The following AP3B2 variants were observed in gnomAD, a reference collection of about 807,000 sequenced individuals.
AP3B2 encodes adaptor related protein complex 3 subunit beta 2.
AP3B2 carries 50 observed loss-of-function variants against 126.9 expected under a neutral mutation model. The observed-to-expected ratio is 0.39, with a 90% CI of 0.31 to 0.50. AP3B2 has a LOEUF of 0.50. AP3B2 is among the 20% of genes least tolerant of loss of function. AP3B2 has a pLI of 0.79. For synonymous variants in AP3B2, 541 were observed against 565.0 expected, an observed-to-expected ratio of 0.96 and a Z score of 0.60; for missense variants, 1,177 against 1,426.4, an observed-to-expected ratio of 0.83 and a Z score of 2.82.
chr15:82,694,806 T>C (rs149365624), intron 1 of AP3B2, among the ~76,000 whole-genome samples: 1 of 152,210 alleles, frequency 6.6e-6, no homozygotes, highest in Non-Finnish European at 1.5e-5. Context: ...GTTTCTTCTA[T>C]AGCCTCTTTC....
intron 1 of AP3B2, among the ~76,000 whole-genome samples, chr15:82,693,291 G>A (rs1312144124): frequency 1.4e-5 from 2 of 148,106 alleles, no homozygotes; most frequent in African/African-American, 5.0e-5. Flanking sequence ...TCATTGCCCA[G>A]GCTGGAGTGC....
rs1278988306 is a variant in AP3B2 at position 82,680,697 on chromosome 15, G to A, written c.830C>T (p.Ala277Val). 2 of 1,570,430 alleles carry A rather than the reference G, an allele frequency of 1.3e-6. No homozygotes were observed. The highest frequency in any genetic ancestry group is 1.7e-4 in the Middle Eastern group (1 of 5,934). ...CGTCTCCTCAGACCCCGCGCCCTTGGCCTCGTCCTCCTCTGAGCCGTAGAA... is the reference window on the plus strand; with the variant it reads ...CGTCTCCTCAGACCCCGCGCCCTTGACCTCGTCCTCCTCTGAGCCGTAGAA... ...KAFYGSEEDEAKGAGSEETAA... is the reference protein window; with the variant it reads ...KAFYGSEEDEVKGAGSEETAA... The change falls in exon 8 of 27, where the codon GCC becomes GTC. Residue 277 changes from alanine to valine, a missense_variant. Ala to Val is a moderately conservative substitution (Grantham distance 64). This residue lies in a region of AP3B2 where 103 missense variants were observed against 101.4 expected (regional missense o/e 1.02). Transcript: ENST00000535359. This position sits in a 1 kb window ranked among gnomAD's most constrained non-coding sequence, Gnocchi z 6.1.
Position 82,681,612 on chromosome 15 carries a change from A to G in AP3B2, c.361-32T>C. The G allele has an allele frequency of 1.2e-6, 2 of 1,603,924 alleles. No individual in the cohort carries two copies. The highest frequency in any genetic ancestry group is 1.7e-6 in the Non-Finnish European group (2 of 1,176,524). On this transcript the variant is annotated intron_variant, in intron 4 of 26. Transcript: ENST00000535359. This position sits in a 1 kb window ranked among gnomAD's most constrained non-coding sequence, Gnocchi z 4.0. ...GCAGAGGTGGAGGCAGAGCTATGAA[A>G]GGGCACCAGGTGCCCTGATGGGGGG... is the stretch of plus-strand genomic sequence containing the variant.
At position 82,663,157 on chromosome 15, in the gene AP3B2, C is replaced by T; in HGVS notation, c.2574G>A (p.Leu858=). ...STSLAADLEG[L]TLTDSTLVPS... is the part of the protein sequence containing the mutation. Reference sequence around the variant, plus strand: ...GTACCAGGGTGGAGTCTGTGAGTGTCAGGCCCTCCAGGTCAGCAGCCAGAC... The same window carrying T: ...GTACCAGGGTGGAGTCTGTGAGTGTTAGGCCCTCCAGGTCAGCAGCCAGAC... The change falls in exon 22 of 27, where the codon CTG becomes CTA. Residue 858 remains leucine, a synonymous_variant. Coordinates refer to ENST00000535359, the MANE Select transcript of AP3B2 (RefSeq NM_001278512.2). The T allele has an allele frequency of 6.2e-7, 1 of 1,612,226 alleles. No individual in the cohort carries two copies. Among genetic ancestry groups the T allele is most frequent in the Non-Finnish European group, 8.5e-7 (1 of 1,179,638 alleles).
chr15:82,674,158 A>T (rs1177122672), intron 14 of AP3B2, among the ~76,000 whole-genome samples: 2 of 152,162 alleles, frequency 1.3e-5, no homozygotes, highest in Non-Finnish European at 2.9e-5. Flanking sequence ...CCCATGTCCA[A>T]ATTGGAGAGA....
At chr15:82,706,393 T>A (rs2048796112) in intron 1 of AP3B2, among the ~76,000 whole-genome samples, 1 of 152,186 alleles carries the variant, frequency 6.6e-6, no homozygotes, top group Non-Finnish European at 1.5e-5. Flanking sequence ...AAAGCTTTCC[T>A]CATTACACAA....
rs1285881574 is a variant in AP3B2 at position 82,663,485 on chromosome 15, A to G, written c.2497+75T>C. 12 of 1,511,866 alleles carry G rather than the reference A, an allele frequency of 7.9e-6. No individual in the cohort carries two copies. In the Admixed American group the frequency reaches 1.5e-4, roughly 19 times the overall value. 93.7% of individuals were successfully genotyped at this position (1,511,866 alleles called of 1,614,324 possible). On this transcript the variant is annotated intron_variant, in intron 21 of 26. Transcript: ENST00000535359. ...CCACAAGACCTGAGGAACCCGATCC[A>G]GAGTCCCTATGGGCTGTTCTAATTC...
rs2048014069 is a variant in AP3B2, at chr15:82,664,373, C to A, written c.2255G>T (p.Ser752Ile). 5.0e-6 allele frequency: 8 copies of A among 1,613,956 alleles called. No homozygotes were observed. Among genetic ancestry groups the A allele is most frequent in the Non-Finnish European group, 6.8e-6 (8 of 1,179,886 alleles). Reference protein sequence around the residue: ...QDEDEEKGRGSESEQSEEDGK... With the variant: ...QDEDEEKGRGIESEQSEEDGK... ...TGGCTAGCTCCCTTCTCACCTCTCA[C>A]TGCCTCTCCCTTTCTCCTCATCCTC... The change falls in exon 19 of 27, where the codon AGT becomes ATT. Residue 752 changes from serine (S) to isoleucine (I), a missense_variant. Ser to Ile is a moderately radical substitution (Grantham distance 142, BLOSUM62 -2). Coordinates refer to ENST00000535359, the MANE Select transcript of AP3B2 (RefSeq NM_001278512.2). This position sits in a 1 kb window ranked among gnomAD's most constrained non-coding sequence, Gnocchi z 4.5.
chr15:82,679,755 C>T lies in AP3B2; in HGVS notation c.1156G>A (p.Asp386Asn), dbSNP rs1464177208. ...TTCAGGATCTTAATCTGGGTGGGGT[C>T]GGTGGACCTGATGTAGAAGCTCTTC... is the stretch of plus-strand genomic sequence containing the variant. ...YLKSFYIRST[D>N]PTQIKILKLE... is the part of the protein sequence containing the mutation. The change falls in exon 10 of 27, where the codon GAC becomes AAC. Residue 386 changes from aspartate (D) to asparagine (N), a missense_variant. Coordinates refer to ENST00000535359, the MANE Select transcript of AP3B2 (RefSeq NM_001278512.2). 1 of 1,613,820 alleles carries T rather than the reference C, an allele frequency of 6.2e-7. No individual in the cohort carries two copies. The highest frequency in any genetic ancestry group is 1.3e-5 in the African/African-American group (1 of 75,010).
At chr15:82,670,141 C>T (rs1160864542) in intron 14 of AP3B2, among the ~76,000 whole-genome samples, 1 of 127,658 alleles carries the variant, frequency 7.8e-6, no homozygotes. Context: ...TGAAGTCTCG[C>T]TCTTGTCCCC....
At chr15:82,672,563 A>G (rs2048175436) in intron 14 of AP3B2, among the ~76,000 whole-genome samples, 1 of 152,206 alleles carries the variant, frequency 6.6e-6, no homozygotes, top group Non-Finnish European at 1.5e-5. Context: ...CAGGGTGACT[A>G]CAGTCAACAA....
chr15:82,705,511 C>G (rs760562025), intron 1 of AP3B2, among the ~76,000 whole-genome samples: 1 of 152,150 alleles, frequency 6.6e-6, no homozygotes, highest in East Asian at 1.9e-4. Flanking sequence ...TTCAAACATG[C>G]TTTCTTTACT....
intron 3 of AP3B2, 76 bp from the exon 4 acceptor site, chr15:82,688,907 A>G (rs1349399945): frequency 2.6e-5 from 35 of 1,364,816 alleles, no homozygotes; most frequent in Admixed American, 1.9e-4. Context: ...CTGGGATGTC[A>G]TCTCCCCAGC....
intron 25 of AP3B2, 145 bp from the exon 26 acceptor site, chr15:82,660,128 GAGAAGGTACTTCC>G: frequency 2.7e-6 from 3 of 1,102,824 alleles, no homozygotes; most frequent in South Asian, 3.1e-5. Flanking sequence ...CAGTCTTGGG[GAGAAGGTACTTCC>G]CTCTCAGACT....
rs1596179304 is a variant in AP3B2 at position 82,677,760 on chromosome 15, A to T, written c.1289T>A (p.Ile430Asn). ...AGTTGCACAGCGTCCAATGGCCTGG[A>T]TTGTGGCTGCCACAAAGTCCTTGTC... ...SMDKDFVAATIQAIGRCATNI... is the reference protein window; with the variant it reads ...SMDKDFVAATNQAIGRCATNI... The change falls in exon 12 of 27, where the codon ATC becomes AAC. Residue 430 changes from isoleucine (I) to asparagine (N), a missense_variant. Around this residue, in one of 5 missense-constraint regions of AP3B2, gnomAD observed 308 missense variants for 452.4 expected, o/e 0.68. Coordinates refer to ENST00000535359, the MANE Select transcript of AP3B2 (RefSeq NM_001278512.2). The T allele has an allele frequency of 6.2e-7, 1 of 1,612,398 alleles. No individual in the cohort carries two copies. The highest frequency in any genetic ancestry group is 1.3e-5 in the African/African-American group (1 of 74,906).
Position 82,665,507 on chromosome 15 carries a change from G to A in AP3B2, c.1921C>T (p.Leu641Phe), listed in dbSNP as rs780669088. The A allele has an allele frequency of 1.2e-6, 2 of 1,613,822 alleles. No homozygotes were observed. The highest frequency in any genetic ancestry group is 1.7e-5 in the Admixed American group (1 of 60,008). The change falls in exon 16 of 27, where the codon CTC becomes TTC. Residue 641 changes from leucine (L) to phenylalanine (F), a missense_variant. Physicochemically the swap from Leu to Phe is conservative, Grantham distance 22 (BLOSUM62 0). Around this residue, in one of 5 missense-constraint regions of AP3B2, gnomAD observed 308 missense variants for 452.4 expected, o/e 0.68. Coordinates refer to ENST00000535359, the MANE Select transcript of AP3B2 (RefSeq NM_001278512.2). The surrounding 1 kb of genome is among the most constrained non-coding windows in gnomAD (Gnocchi z 4.4). ...GGGGCTTCCTCCGGCCAGTCTGGGA[G>A]CTCCTGGTAGCCTGTGGCCTTGGCA... ...LNAKATGYQE[L>F]PDWPEEAPDP... is the part of the protein sequence containing the mutation.
At chr15:82,695,772 G>C (rs1004441227) in intron 1 of AP3B2, among the ~76,000 whole-genome samples, 1 of 152,216 alleles carries the variant, frequency 6.6e-6, no homozygotes, top group African/African-American at 2.4e-5. Context: ...TAGCCAGTTG[G>C]TCAGAAGTAT....
Position 82,709,656 on chromosome 15 carries a change from G to T in AP3B2, c.51C>A (p.Pro17=). 1 of 1,515,514 alleles carries T rather than the reference G, an allele frequency of 6.6e-7. No homozygotes were observed. The highest frequency in any genetic ancestry group is 8.8e-7 in the Non-Finnish European group (1 of 1,134,434). 93.9% of individuals were successfully genotyped at this position (1,515,514 alleles called of 1,614,324 possible). A position where few individuals can be genotyped will look rare whatever the true frequency, so the allele number is the denominator to read the frequency against. Residue 17 remains proline, a synonymous_variant, in exon 1 of 27, where the codon CCC becomes CCA. Transcript: ENST00000535359. ...YSEDKGGSAG[P]GEPEYGHDPA... is the part of the protein sequence containing the mutation. Reference sequence around the variant, plus strand: ...GGTCGTGGCCGTACTCGGGCTCCCCGGGGCCAGCGGAGCCGCCCTTGTCTT... The same window carrying T: ...GGTCGTGGCCGTACTCGGGCTCCCCTGGGCCAGCGGAGCCGCCCTTGTCTT...
Position 82,670,760 on chromosome 15 carries a change from G to A in AP3B2, c.1666-3827C>T, listed in dbSNP as rs1209140888. Among the ~76,000 whole-genome samples, 7 of 152,138 alleles carry A rather than the reference G, an allele frequency of 4.6e-5. No individual in the cohort carries two copies. In the East Asian group the frequency reaches 1.4e-3, roughly 29 times the overall value. ...AGCAAAGGAATCAACAAAGAGACAA[G>A]CCACAGAATAGGAGGAAAAAATTTG... On this transcript the variant is annotated intron_variant, in intron 14 of 26. Coordinates refer to ENST00000535359, the MANE Select transcript of AP3B2 (RefSeq NM_001278512.2).
Sources: allele counts gnomAD v4.1 joint callset (sites outside exome capture counted in the v4.1 genomes callset), GRCh38; gene constraint gnomAD v4.1.1; regional missense constraint gnomAD v4.1.1; non-coding constraint Gnocchi (gnomAD v3.1); transcripts MANE v1.5; gene names NCBI Gene and HGNC (gene_info 2026-07-23, HGNC 2026-07-21).